The following PTBP1 variants were observed in gnomAD, a reference collection of about 807,000 sequenced individuals.
The protein encoded by PTBP1 is polypyrimidine tract binding protein 1.
In PTBP1, 8 loss-of-function variants were observed where a neutral mutation model predicts 59.8. That is an observed-to-expected ratio of 0.13 (90% CI 0.08 to 0.24). PTBP1 has a LOEUF of 0.24. PTBP1 is among the 10% of genes least tolerant of loss of function. PTBP1 has a pLI of 1.00. For missense variants in PTBP1, 686 were observed against 767.0 expected (o/e 0.89, Z 1.25); for synonymous variants, 490 against 320.7 (o/e 1.53, Z -5.64).
intron 3 of PTBP1, 134 bp from the exon 4 acceptor site, chr19:803,902 T>C: frequency 9.2e-7 from 1 of 1,083,998 alleles, no homozygotes; most frequent in Non-Finnish European, 1.3e-6. Context: ...CCTCTCGCGC[T>C]GCTGGTTCAC....
chr19:801,889 C>T (rs534295241), intron 2 of PTBP1, among the ~76,000 whole-genome samples: 5 of 152,298 alleles, frequency 3.3e-5, no homozygotes, highest in South Asian at 4.1e-4. Context: ...ACTCTGAAAG[C>T]GAGAGGACTC....
chr19:798,097 C>A (rs998124545), intron 1 of PTBP1, among the ~76,000 whole-genome samples: 2 of 151,758 alleles, frequency 1.3e-5, no homozygotes, highest in African/African-American at 4.8e-5. Flanking sequence ...CCCCGCCCTA[C>A]CCCTGCCCCC....
chr19:798,485 T>G (rs2034181446), intron 1 of PTBP1: 2 of 152,266 alleles, frequency 1.3e-5, no homozygotes, highest in Admixed American at 6.5e-5. Flanking sequence ...GTGCAGTCTG[T>G]GGTGTCAGAA....
chr19:808,630 G>A lies in PTBP1; in HGVS notation c.1331G>A (p.Arg444His). 1.2e-6 allele frequency: 2 copies of A among 1,611,104 alleles called. No individual in the cohort carries two copies. The highest frequency in any genetic ancestry group is 1.7e-6 in the Non-Finnish European group (2 of 1,179,726). ...LSKHQNVQLP[R>H]EGQEDQGLTK... ...AAGCACCAGAACGTGCAGCTGCCCC[G>A]CGAGGGCCAGGAGGACCAGGGCCTG... Residue 444 changes from arginine to histidine, a missense_variant, in exon 13 of 15, where the codon CGC (arginine) becomes CAC (histidine). Arg to His is a conservative substitution (Grantham distance 29, BLOSUM62 0). Coordinates refer to ENST00000356948, the MANE Select transcript of PTBP1 (RefSeq NM_002819.5). This position sits in a 1 kb window ranked among gnomAD's most constrained non-coding sequence, Gnocchi z 4.7.
intron 3 of PTBP1, 152 bp from the exon 4 acceptor site, chr19:803,884 G>T: frequency 2.2e-6 from 2 of 927,308 alleles, no homozygotes; most frequent in Non-Finnish European, 3.3e-6. Context: ...TGACTGTGCA[G>T]GTCTTGGCCT....
rs940820735 is a variant in PTBP1, at chr19:811,446, G to A, written c.*620G>A. 1 of 152,496 alleles carries A rather than the reference G, an allele frequency of 6.6e-6. No homozygotes were observed. The highest frequency in any genetic ancestry group is 2.4e-5 in the African/African-American group (1 of 41,474). The allele number at this position is 152,496 out of a possible 1,614,324, so 9.4% of individuals were successfully genotyped here. On this transcript the variant is annotated 3_prime_UTR_variant, in exon 15 of 15. Coordinates refer to ENST00000356948, the MANE Select transcript of PTBP1 (RefSeq NM_002819.5). ...ACATAATCTCTGTATTATATACTTT[G>A]CAGTTGCAGACGTCTGTGCCTAGCA...
chr19:801,563 G>A (rs1248596402), intron 2 of PTBP1, among the ~76,000 whole-genome samples: 2 of 152,258 alleles, frequency 1.3e-5, no homozygotes, highest in Non-Finnish European at 2.9e-5. Context: ...GCCAGCACAT[G>A]GGAGCCGCAT....
At chr19:799,493 C>T (rs999455697) in intron 2 of PTBP1, 50 bp downstream of exon 2, 2 of 1,597,586 alleles carry the variant, frequency 1.3e-6, no homozygotes, top group Non-Finnish European at 8.6e-7. Flanking sequence ...GACCTTGTGC[C>T]GACCCCGGGG....
chr19:808,069 C>G lies in PTBP1; in HGVS notation c.1153+167C>G, dbSNP rs530977627. 3 of 698,808 alleles carry G rather than the reference C, an allele frequency of 4.3e-6. No individual in the cohort carries two copies. The highest frequency in any genetic ancestry group is 7.6e-6 in the Non-Finnish European group (3 of 392,730). The allele number at this position is 698,808 out of a possible 1,614,324, so 43.3% of individuals were successfully genotyped here. A position where few individuals can be genotyped will look rare whatever the true frequency, so the allele number is the denominator to read the frequency against. On this transcript the variant is annotated intron_variant, in intron 11 of 14. Coordinates refer to ENST00000356948, the MANE Select transcript of PTBP1 (RefSeq NM_002819.5). The surrounding 1 kb of genome is among the most constrained non-coding windows in gnomAD (Gnocchi z 4.7). Reference sequence around the variant, plus strand: ...CGAATTTTATTTGGTCCCGTAGATACGTACGCATGGTTTATCGCCCTGCAT... The same window carrying G: ...CGAATTTTATTTGGTCCCGTAGATAGGTACGCATGGTTTATCGCCCTGCAT...
chr19:804,739 G>A, intron 6 of PTBP1, 37 bp downstream of exon 6: 2 of 1,610,074 alleles, frequency 1.2e-6, no homozygotes, highest in Non-Finnish European at 1.7e-6. Context: ...CAGGTCGGCT[G>A]CTATTGCTGT....
At chr19:809,795 G>A (rs2034769264) in intron 13 of PTBP1, among the ~76,000 whole-genome samples, 1 of 152,194 alleles carries the variant, frequency 6.6e-6, no homozygotes, top group African/African-American at 2.4e-5. Context: ...TCCGGATTGG[G>A]AGGTTGAGGT....
intron 2 of PTBP1, among the ~76,000 whole-genome samples, chr19:801,502 A>G (rs2034331926): frequency 6.6e-6 from 1 of 152,174 alleles, no homozygotes; most frequent in Non-Finnish European, 1.5e-5. Context: ...GGCCCCGCCC[A>G]CCACTCCAGT....
In PTBP1 at chr19:806,449, G is replaced by A. The variant is rs189842365; in HGVS notation, c.1012G>A (p.Ala338Thr). ...PNVHGALAPL[A>T]IPSAAAAAAA... ...CGTCCACGGCGCCCTGGCCCCCCTGGCCATCCCCTCGGCGGCGGCGGCAGC... is the reference window on the plus strand; with the variant it reads ...CGTCCACGGCGCCCTGGCCCCCCTGACCATCCCCTCGGCGGCGGCGGCAGC... Residue 338 changes from alanine to threonine, a missense_variant, in exon 10 of 15, where the codon GCC becomes ACC. Ala to Thr is a moderately conservative substitution (Grantham distance 58). Coordinates refer to ENST00000356948, the MANE Select transcript of PTBP1 (RefSeq NM_002819.5). 2 of 1,601,146 alleles carry A rather than the reference G, an allele frequency of 1.2e-6. No individual in the cohort carries two copies. Among genetic ancestry groups the A allele is most frequent in the Admixed American group, 1.7e-5 (1 of 59,006 alleles).
chr19:807,929 C>T (rs781764023), intron 11 of PTBP1, 27 bp downstream of exon 11: 29 of 1,597,308 alleles, frequency 1.8e-5, no homozygotes, highest in African/African-American at 2.7e-5. Flanking sequence ...ACTTTTATTA[C>T]CTTGTTTTCA....
intron 9 of PTBP1, 157 bp downstream of exon 9, chr19:805,726 G>C (rs1183297075): frequency 1.5e-6 from 1 of 680,776 alleles, no homozygotes; most frequent in East Asian, 2.6e-5. Context: ...CCACAGAGCA[G>C]GCTTGGCCAG....
intron 9 of PTBP1, chr19:805,791 G>T (rs928028737): frequency 1.8e-6 from 1 of 570,056 alleles, no homozygotes; most frequent in Non-Finnish European, 3.1e-6. Context: ...CCAGCCAGAA[G>T]CCGCTAATCG....
Position 811,167 on chromosome 19 carries a change from ACCTGCCTT to A in PTBP1, c.*347_*354del. 1 of 197,890 alleles carries A rather than the reference ACCTGCCTT, an allele frequency of 5.1e-6. No homozygotes were observed. The highest frequency in any genetic ancestry group is 1.0e-5 in the Non-Finnish European group (1 of 98,450). The allele number at this position is 197,890 out of a possible 1,614,324, so 12.3% of individuals were successfully genotyped here. ...ACTTGGCTTCCTTGTGCCTTAAAAAACCTGCCTTCCTGCAGCCACACACCCACCCGGGG... is the reference window on the plus strand; with the variant it reads ...ACTTGGCTTCCTTGTGCCTTAAAAAACCTGCAGCCACACACCCACCCGGGG... On this transcript the variant is annotated 3_prime_UTR_variant, in exon 15 of 15. Transcript: ENST00000356948.
rs1011887753 is a variant in PTBP1, at chr19:808,885, C to G, written c.1463+123C>G. The G allele has an allele frequency of 7.7e-6, 7 of 910,884 alleles. No individual in the cohort carries two copies. Among genetic ancestry groups the G allele is most frequent in the Non-Finnish European group, 1.0e-5 (6 of 589,792 alleles). 56.4% of individuals were successfully genotyped at this position (910,884 alleles called of 1,614,324 possible). On this transcript the variant is annotated intron_variant, in intron 13 of 14. Transcript: ENST00000356948. This position sits in a 1 kb window ranked among gnomAD's most constrained non-coding sequence, Gnocchi z 4.7. ...AGTGCAGGTCGGGCACCTCTTACCC[C>G]AAACCTGAAGTACTGCAAGGCCTGG... is the stretch of plus-strand genomic sequence containing the variant.
intron 13 of PTBP1, 47 bp from the exon 14 acceptor site, chr19:810,495 GC>G (rs750283245): frequency 1.3e-6 from 2 of 1,551,052 alleles, no homozygotes; most frequent in Non-Finnish European, 8.8e-7. Flanking sequence ...CTGACTGGGC[GC>G]CCCCACCCCC....
Sources: gnomAD v4.1 joint callset for allele counts (sites outside exome capture counted in the v4.1 genomes callset) on GRCh38, gnomAD v4.1.1 for gene constraint, Gnocchi (gnomAD v3.1) non-coding constraint, MANE v1.5 for transcripts, NCBI Gene and HGNC (gene_info 2026-07-23, HGNC 2026-07-21) for gene names.